Variants in LTBP1 observed in about 807,000 individuals in gnomAD.
The protein encoded by LTBP1 is latent-transforming growth factor beta-binding protein 1.
LTBP1 carries 129 observed loss-of-function variants against 207.6 expected under a neutral mutation model. The ratio of observed to expected loss-of-function variants is 0.62; its 90% confidence interval spans 0.54 to 0.72. The LOEUF is 0.72. Among genes scored for constraint, LTBP1 ranks in the 30% least tolerant of loss-of-function variants. The pLI, the probability that LTBP1 is intolerant of heterozygous loss-of-function variation, is 0.00. For synonymous variants in LTBP1, 963 were observed against 833.7 expected, an observed-to-expected ratio of 1.16 and a Z score of -2.67; for missense variants, 2,281 against 2,217.2, an observed-to-expected ratio of 1.03 and a Z score of -0.58.
chr2:33,361,908 T>A (rs1221294805), intron 28 of LTBP1, among the ~76,000 whole-genome samples: 1 of 152,216 alleles, frequency 6.6e-6, no homozygotes, highest in Non-Finnish European at 1.5e-5. Context: ...TTGACCACTG[T>A]TTGTCTTTAT....
intron 3 of LTBP1, among the ~76,000 whole-genome samples, chr2:33,025,006 G>A (rs2075348159): frequency 6.6e-6 from 1 of 152,170 alleles, no homozygotes. Context: ...CTGGCTGTTG[G>A]CAGAAAGCTT....
chr2:33,376,190 T>A (rs2095137868), intron 31 of LTBP1, among the ~76,000 whole-genome samples: 1 of 152,200 alleles, frequency 6.6e-6, no homozygotes, highest in Non-Finnish European at 1.5e-5. Flanking sequence ...TAAATTTAAA[T>A]AATGTTTACC....
chr2:33,040,256 G>A (rs533655735), intron 3 of LTBP1, among the ~76,000 whole-genome samples: 8 of 152,170 alleles, frequency 5.3e-5, no homozygotes, highest in Non-Finnish European at 1.0e-4. Flanking sequence ...AACTGTGAGT[G>A]TAGACCCAGA....
At chr2:33,389,942 A>G (rs1344643098) in intron 32 of LTBP1, among the ~76,000 whole-genome samples, 1 of 152,152 alleles carries the variant, frequency 6.6e-6, no homozygotes, top group East Asian at 1.9e-4. Context: ...CCTGCCTATC[A>G]TTATAATTTC....
At chr2:32,997,262 C>G (rs219167) in intron 2 of LTBP1, among the ~76,000 whole-genome samples, 128,263 of 152,034 alleles carry the variant, frequency 0.84, 55,094 homozygotes, top group East Asian at 0.98. Flanking sequence ...TGTAATCTCA[C>G]CGCTTTGGGA....
intron 33 of LTBP1, among the ~76,000 whole-genome samples, chr2:33,397,812 A>G (rs538298566): frequency 2.5e-4 from 38 of 151,486 alleles, no homozygotes; most frequent in Middle Eastern, 3.4e-3. Context: ...GTGAGCCACC[A>G]CGCCTGGCCT....
chr2:32,966,898 A>T lies in LTBP1; in HGVS notation c.565+17953A>T, dbSNP rs556055724. 2.0e-5 allele frequency among the ~76,000 whole-genome samples: 3 copies of T among 152,264 alleles called. No homozygotes were observed. In the East Asian group the frequency reaches 5.8e-4, roughly 29 times the overall value. ...GGTGATGCTGGCCTCAGAATGAGTT[A>T]GGAAGTATATTCTCTTCTTCTATCT... On this transcript the variant is annotated intron_variant, in intron 2 of 33. Coordinates refer to ENST00000404816, the MANE Select transcript of LTBP1 (RefSeq NM_206943.4).
intron 24 of LTBP1, among the ~76,000 whole-genome samples, chr2:33,338,444 C>A (rs2094577721): frequency 6.6e-6 from 1 of 152,226 alleles, no homozygotes; most frequent in South Asian, 2.1e-4. Flanking sequence ...GTTTCTAGTA[C>A]ATACCTTCTC....
At chr2:33,034,042 C>T (rs979550438) in intron 3 of LTBP1, among the ~76,000 whole-genome samples, 1 of 152,018 alleles carries the variant, frequency 6.6e-6, no homozygotes, top group Non-Finnish European at 1.5e-5. Context: ...TTGCATCATT[C>T]ACCGTCCTAA....
chr2:33,275,221 T>G, intron 17 of LTBP1, 131 bp downstream of exon 17: 1 of 1,059,430 alleles, frequency 9.4e-7, no homozygotes, highest in Non-Finnish European at 1.3e-6. Flanking sequence ...GACAGCAGTC[T>G]GCTAGATCCC....
At chr2:33,271,537 G>A (rs796117338) in intron 15 of LTBP1, among the ~76,000 whole-genome samples, 12 of 152,172 alleles carry the variant, frequency 7.9e-5, no homozygotes, top group African/African-American at 2.6e-4. Flanking sequence ...ATAACCTGGT[G>A]AAGATTACCT....
chr2:32,993,819 C>G (rs1392391343), intron 2 of LTBP1, among the ~76,000 whole-genome samples: 2 of 152,150 alleles, frequency 1.3e-5, no homozygotes, highest in Admixed American at 6.5e-5. Flanking sequence ...GGAACCAGCT[C>G]AGGGTCACAT....
Position 32,973,490 on chromosome 2 carries a change from T to G in LTBP1, c.565+24545T>G, listed in dbSNP as rs186281574. Among the ~76,000 whole-genome samples, 10 of 152,282 alleles carry G rather than the reference T, an allele frequency of 6.6e-5. No individual in the cohort carries two copies. The East Asian group carries it at 1.7e-3, about 26-fold the overall frequency. ...TAGGTATACATATTCCCAGGGCACA[T>G]AAGATGCCATGATATAGGCATGCAA... On this transcript the variant is annotated intron_variant, in intron 2 of 33. Transcript: ENST00000404816.
At chr2:33,017,763 C>CCCG (rs1688588114) in intron 2 of LTBP1, among the ~76,000 whole-genome samples, 1 of 152,158 alleles carries the variant, frequency 6.6e-6, no homozygotes, top group African/African-American at 2.4e-5. Flanking sequence ...ACTAAAGGCA[C>CCCG]CCACCAGTAC....
chr2:33,127,621 A>C (rs912482662), intron 4 of LTBP1, among the ~76,000 whole-genome samples: 23 of 152,172 alleles, frequency 1.5e-4, no homozygotes, highest in African/African-American at 5.3e-4. Flanking sequence ...TAGATAGAAA[A>C]GGAGGATAAG....
chr2:33,156,694 C>CTA (rs952414193), intron 5 of LTBP1, among the ~76,000 whole-genome samples: 27 of 151,816 alleles, frequency 1.8e-4, no homozygotes, highest in African/African-American at 6.0e-4. Flanking sequence ...AACTATACAA[C>CTA]TATATATATA....
At chr2:33,115,057 C>T (rs867020608) in intron 4 of LTBP1, among the ~76,000 whole-genome samples, 17 of 150,844 alleles carry the variant, frequency 1.1e-4, no homozygotes, top group South Asian at 6.4e-4. Context: ...CACACACACA[C>T]ACACACACAC....
intron 13 of LTBP1, among the ~76,000 whole-genome samples, chr2:33,261,610 A>G (rs576903979): frequency 3.9e-5 from 6 of 152,326 alleles, no homozygotes; most frequent in East Asian, 1.9e-4. Context: ...GCAATGAAAA[A>G]TGAAAGAGGG....
chr2:33,376,264 G>A (rs953267732), intron 31 of LTBP1, among the ~76,000 whole-genome samples: 1 of 152,190 alleles, frequency 6.6e-6, no homozygotes, highest in Non-Finnish European at 1.5e-5. Flanking sequence ...TCAGTTTTGA[G>A]TTGAAGTTGC....
Sources: gnomAD v4.1 joint callset for allele counts (sites outside exome capture counted in the v4.1 genomes callset) on GRCh38, gnomAD v4.1.1 for gene constraint, MANE v1.5 for transcripts, NCBI Gene and HGNC (gene_info 2026-07-23, HGNC 2026-07-21) for gene names.